The following PRKCZ variants were observed in gnomAD, a reference collection of about 807,000 sequenced individuals.
PRKCZ encodes the protein protein kinase C zeta type.
PRKCZ carries 33 observed loss-of-function variants against 79.5 expected under a neutral mutation model. The observed-to-expected ratio is 0.41, with a 90% CI of 0.31 to 0.55. PRKCZ has a LOEUF of 0.55. Ranked by LOEUF, PRKCZ falls within the 20% of genes least tolerant of loss-of-function variation. The probability of loss-of-function intolerance (pLI) is 0.19; values close to 1 mark genes in which losing one functional copy is unlikely to be tolerated. For synonymous variants in PRKCZ, 342 were observed against 320.9 expected, an observed-to-expected ratio of 1.07 and a Z score of -0.70; for missense variants, 578 against 813.5, an observed-to-expected ratio of 0.71 and a Z score of 3.52.
At position 2,173,075 on chromosome 1, in the gene PRKCZ, C is replaced by G. The variant is rs190682248; in HGVS notation, c.1285+687C>G. ...CATCCATGTGTGTTGTGTGCACATG[C>G]ATACTGTGTTTGTACACACTCCACC... On this transcript the variant is annotated intron_variant, in intron 13 of 17. Transcript: ENST00000378567. This position sits in a 1 kb window ranked among gnomAD's most constrained non-coding sequence, Gnocchi z 5.7. Among the ~76,000 whole-genome samples, 9 of 150,168 alleles carry G rather than the reference C, an allele frequency of 6.0e-5. No homozygotes were observed. Among genetic ancestry groups the G allele is most frequent in the African/African-American group, 2.2e-4 (9 of 41,362 alleles).
chr1:2,076,662 A>G (rs374582318), intron 4 of PRKCZ, among the ~76,000 whole-genome samples: 14 of 151,926 alleles, frequency 9.2e-5, no homozygotes, highest in East Asian at 7.7e-4. Context: ...GAATCGCTTG[A>G]ATCCGGGAGG....
chr1:2,176,726 TG>T (rs1685570296), intron 16 of PRKCZ, among the ~76,000 whole-genome samples: 1 of 152,150 alleles, frequency 6.6e-6, no homozygotes, highest in Non-Finnish European at 1.5e-5. Flanking sequence ...CTGTGGTCAG[TG>T]GGGGCCCTTG....
chr1:2,131,553 CCAGGT>C (rs1383366131), intron 4 of PRKCZ, among the ~76,000 whole-genome samples: 1 of 152,172 alleles, frequency 6.6e-6, no homozygotes, highest in Non-Finnish European at 1.5e-5. Flanking sequence ...CCCTGTGCTG[CCAGGT>C]CATTTAGTTC....
intron 16 of PRKCZ, among the ~76,000 whole-genome samples, chr1:2,179,552 C>G (rs985572068): frequency 1.3e-5 from 2 of 152,266 alleles, no homozygotes; most frequent in African/African-American, 4.8e-5. Context: ...GAGTTAACAG[C>G]TGAGCCACCA....
In PRKCZ at chr1:2,084,233, CTG is replaced by C. The variant is rs1204476338; in HGVS notation, c.334+24644_334+24645del. On this transcript the variant is annotated intron_variant, in intron 4 of 17. Transcript: ENST00000378567. ...CCAGCCTGGGCGAGAGAGCGAAACT[CTG>C]TCTCAAACAGCAACAACAAAAAACA... 3.3e-5 allele frequency among the ~76,000 whole-genome samples: 5 copies of C among 152,352 alleles called. No individual in the cohort carries two copies. In the East Asian group the frequency reaches 9.6e-4, roughly 29 times the overall value.
chr1:2,145,927 AG>A, intron 6 of PRKCZ, 99 bp from the exon 7 acceptor site: 1 of 1,062,094 alleles, frequency 9.4e-7, no homozygotes, highest in Non-Finnish European at 1.4e-6. Context: ...TGTAAAAAAA[AG>A]TTCTTAATTT....
At position 2,128,583 on chromosome 1, in the gene PRKCZ, A is replaced by C. The variant is rs764994099; in HGVS notation, c.335-6679A>C. 4.6e-5 allele frequency among the ~76,000 whole-genome samples: 7 copies of C among 152,222 alleles called. No individual in the cohort carries two copies. Among genetic ancestry groups the C allele is most frequent in the Non-Finnish European group, 8.8e-5 (6 of 68,036 alleles). On this transcript the variant is annotated intron_variant, in intron 4 of 17. Transcript: ENST00000378567. This position sits in a 1 kb window ranked among gnomAD's most constrained non-coding sequence, Gnocchi z 6.5. ...GAGCTCCTTGAGGTTGTCGGAGTTA[A>C]GGCTGAAAGAGGAGGAGCGGCCCCT...
In PRKCZ at chr1:2,150,452, T is replaced by G. The variant is rs1679663785; in HGVS notation, c.688-338T>G. 2.0e-5 allele frequency among the ~76,000 whole-genome samples: 3 copies of G among 152,176 alleles called. No individual in the cohort carries two copies. The South Asian group carries it at 6.2e-4, about 31-fold the overall frequency. On this transcript the variant is annotated intron_variant, in intron 8 of 17. Coordinates refer to ENST00000378567, the MANE Select transcript of PRKCZ (RefSeq NM_002744.6). ...ATGGGCCCAGGCCCTGGGCCACATGTCCCTGTGGCCACCTCTTCAGCCCCA... is the reference window on the plus strand; with the variant it reads ...ATGGGCCCAGGCCCTGGGCCACATGGCCCTGTGGCCACCTCTTCAGCCCCA...
At chr1:2,171,769 G>A in intron 11 of PRKCZ, 1 of 413,730 alleles carries the variant, frequency 2.4e-6, no homozygotes, top group Non-Finnish European at 4.4e-6. Flanking sequence ...TTCCCGCATG[G>A]AAGCTGTCGT....
At chr1:2,107,357 A>T (rs779376497) in intron 4 of PRKCZ, among the ~76,000 whole-genome samples, 5 of 152,138 alleles carry the variant, frequency 3.3e-5, no homozygotes, top group Non-Finnish European at 5.9e-5. Context: ...CCCGCACGTC[A>T]CGTGTCCTGA....
intron 5 of PRKCZ, among the ~76,000 whole-genome samples, chr1:2,137,410 C>G (rs1676433672): frequency 6.6e-6 from 1 of 152,172 alleles, no homozygotes; most frequent in Non-Finnish European, 1.5e-5. Context: ...CACCCAGATG[C>G]AATACTTCAC....
rs549121693 is a variant in PRKCZ at position 2,118,791 on chromosome 1, A to C, written c.335-16471A>C. Among the ~76,000 whole-genome samples, 3 of 147,164 alleles carry C rather than the reference A, an allele frequency of 2.0e-5. No individual in the cohort carries two copies. In the South Asian group the frequency reaches 6.5e-4, roughly 32 times the overall value. ...AGGGAGGGAAGGGGACTTAGTGTTT[A>C]TATGCTCTATTTTTTCATCCTTTCA... On this transcript the variant is annotated intron_variant, in intron 4 of 17. Coordinates refer to ENST00000378567, the MANE Select transcript of PRKCZ (RefSeq NM_002744.6).
rs1005789155 is a variant in PRKCZ at position 2,050,662 on chromosome 1, G to A, written c.32G>A (p.Gly11Glu). 1.1e-5 allele frequency: 13 copies of A among 1,227,500 alleles called. No homozygotes were observed. Among genetic ancestry groups the A allele is most frequent in the Middle Eastern group, 3.1e-4 (1 of 3,232 alleles). 76.0% of individuals were successfully genotyped at this position (1,227,500 alleles called of 1,614,324 possible). A position where few individuals can be genotyped will look rare whatever the true frequency, so the allele number is the denominator to read the frequency against. Residue 11 changes from glycine to glutamate, a missense_variant, in exon 1 of 18, where the codon GGG becomes GAG. Physicochemically the swap from Gly to Glu is moderately conservative, Grantham distance 98. Transcript: ENST00000378567. ...AGCAGGACCGGCCCCAAGATGGAAG[G>A]GAGCGGCGGCCGCGTCCGCCTCAAG... MPSRTGPKME[G>E]SGGRVRLKAH...
At chr1:2,140,567 G>T (rs1475946932) in intron 5 of PRKCZ, among the ~76,000 whole-genome samples, 1 of 152,204 alleles carries the variant, frequency 6.6e-6, no homozygotes, top group African/African-American at 2.4e-5. Context: ...TGAGGCAGGG[G>T]AATGGCTTGA....
Position 2,066,138 on chromosome 1 carries a change from C to T in PRKCZ, c.334+6547C>T, listed in dbSNP as rs77447626. 0.011 allele frequency among the ~76,000 whole-genome samples: 1,645 copies of T among 152,252 alleles called. 135 individuals carry two copies. In the East Asian group the frequency reaches 0.21, roughly 19 times the overall value. On this transcript the variant is annotated intron_variant, in intron 4 of 17. Coordinates refer to ENST00000378567, the MANE Select transcript of PRKCZ (RefSeq NM_002744.6). ...AATAAAGGATAATTATGTCCATGTTCTTAAGACTCAATGGTCAGAGGCTTT... is the reference window on the plus strand; with the variant it reads ...AATAAAGGATAATTATGTCCATGTTTTTAAGACTCAATGGTCAGAGGCTTT...
chr1:2,104,957 C>T (rs983472189), intron 4 of PRKCZ: 21 of 982,282 alleles, frequency 2.1e-5, no homozygotes, highest in African/African-American at 7.0e-5. Flanking sequence ...TTCAGGAGGG[C>T]GCGGCCGGCC....
chr1:2,167,021 T>A (rs1033803986), intron 10 of PRKCZ, among the ~76,000 whole-genome samples: 1 of 152,136 alleles, frequency 6.6e-6, no homozygotes, highest in Non-Finnish European at 1.5e-5. Flanking sequence ...TCACGCAGAG[T>A]CGCCTTAGAG....
At chr1:2,144,742 TCCC>T in intron 6 of PRKCZ, 1 of 713,170 alleles carries the variant, frequency 1.4e-6, no homozygotes. Flanking sequence ...CTCCCTGGCA[TCCC>T]CCCTGGGAAG....
At chr1:2,111,941 C>T (rs1669818263) in intron 4 of PRKCZ, 2 of 152,226 alleles carry the variant, frequency 1.3e-5, no homozygotes, top group South Asian at 4.1e-4. Flanking sequence ...TTTCAGAAGA[C>T]CCGGGAAGGG....
Sources: gnomAD v4.1 joint callset for allele counts (sites outside exome capture counted in the v4.1 genomes callset) on GRCh38, gnomAD v4.1.1 for gene constraint, Gnocchi (gnomAD v3.1) non-coding constraint, MANE v1.5 for transcripts, NCBI Gene and HGNC (gene_info 2026-07-23, HGNC 2026-07-21) for gene names.